AMPH: variants seen among roughly 807,000 people sequenced by gnomAD.
AMPH encodes amphiphysin.
Under a neutral mutation model 99.1 loss-of-function variants are expected in AMPH, and 49 were observed. The observed-to-expected ratio is 0.49, with a 90% confidence interval of 0.39 to 0.63. The LOEUF is 0.63. Ranked by LOEUF, AMPH falls within the 20% of genes least tolerant of loss-of-function variation. AMPH has a pLI of 0.00. For missense variants in AMPH, 759 were observed against 863.4 expected (o/e 0.88, Z 1.52); for synonymous variants, 314 against 317.3 (o/e 0.99, Z 0.11).
intron 17 of AMPH, among the ~76,000 whole-genome samples, chr7:38,407,986 A>C (rs913912919): frequency 5.3e-5 from 8 of 152,232 alleles, no homozygotes; most frequent in African/African-American, 1.7e-4. Flanking sequence ...ACTGTATCTC[A>C]GGTGGTTTAC....
At chr7:38,451,909 C>T (rs1191914471) in intron 11 of AMPH, among the ~76,000 whole-genome samples, 3 of 152,042 alleles carry the variant, frequency 2.0e-5, no homozygotes, top group African/African-American at 7.2e-5. Flanking sequence ...TTTGTAAACA[C>T]AAAACCAGAA....
At chr7:38,493,587 G>A (rs757184991) in intron 4 of AMPH, among the ~76,000 whole-genome samples, 1 of 152,174 alleles carries the variant, frequency 6.6e-6, no homozygotes, top group South Asian at 2.1e-4. Context: ...GCTCACTCCT[G>A]TCAGCCAGAA....
At chr7:38,388,409 C>T (rs1454754199) in intron 20 of AMPH, among the ~76,000 whole-genome samples, 2 of 151,990 alleles carry the variant, frequency 1.3e-5, no homozygotes, top group African/African-American at 4.8e-5. Context: ...CTCTCAAAAA[C>T]CTACTTTCGG....
chr7:38,557,112 G>C (rs982215872), intron 1 of AMPH, among the ~76,000 whole-genome samples: 2 of 152,114 alleles, frequency 1.3e-5, no homozygotes, highest in African/African-American at 4.8e-5. Context: ...GATTTGGGGT[G>C]GGAAACAAGG....
chr7:38,563,800 C>T (rs114507165), intron 1 of AMPH, among the ~76,000 whole-genome samples: 247 of 152,312 alleles, frequency 1.6e-3, no homozygotes, highest in African/African-American at 5.8e-3. Context: ...CAAAGACCAG[C>T]AAACACCACC....
At chr7:38,563,353 G>T (rs2129049547) in intron 1 of AMPH, among the ~76,000 whole-genome samples, 1 of 152,138 alleles carries the variant, frequency 6.6e-6, no homozygotes, top group East Asian at 1.9e-4. Context: ...AACCTACTAA[G>T]TCAGATGCCT....
intron 1 of AMPH, among the ~76,000 whole-genome samples, chr7:38,553,463 G>A (rs1420490772): frequency 6.6e-6 from 1 of 152,168 alleles, no homozygotes; most frequent in Non-Finnish European, 1.5e-5. Context: ...AAACACACAT[G>A]CAAATATACA....
chr7:38,587,159 C>T (rs1478374763), intron 1 of AMPH, among the ~76,000 whole-genome samples: 2 of 152,152 alleles, frequency 1.3e-5, no homozygotes, highest in African/African-American at 4.8e-5. Flanking sequence ...ACTTTTTTCG[C>T]TCCTGAAGAG....
chr7:38,392,423 G>C (rs1784534646), intron 18 of AMPH, among the ~76,000 whole-genome samples: 1 of 115,278 alleles, frequency 8.7e-6, no homozygotes, highest in South Asian at 3.1e-4. Context: ...GTCTTGCTCT[G>C]TCGCCCAGGC....
At chr7:38,541,535 C>T (rs1399330548) in intron 1 of AMPH, among the ~76,000 whole-genome samples, 1 of 152,188 alleles carries the variant, frequency 6.6e-6, no homozygotes, top group African/African-American at 2.4e-5. Context: ...TATTTCTATA[C>T]CACTATGACA....
intron 17 of AMPH, among the ~76,000 whole-genome samples, chr7:38,405,689 T>C (rs1476425358): frequency 6.6e-6 from 1 of 152,154 alleles, no homozygotes; most frequent in East Asian, 1.9e-4. Context: ...GAGATACATA[T>C]ACATCCAACA....
At chr7:38,561,625 T>A (rs1363920165) in intron 1 of AMPH, among the ~76,000 whole-genome samples, 2 of 152,238 alleles carry the variant, frequency 1.3e-5, no homozygotes, top group Non-Finnish European at 2.9e-5. Context: ...CCGGTTCAGA[T>A]GAAGGAGGGT....
At chr7:38,527,781 T>C (rs1326722780) in intron 2 of AMPH, among the ~76,000 whole-genome samples, 1 of 152,238 alleles carries the variant, frequency 6.6e-6, no homozygotes, top group Non-Finnish European at 1.5e-5. Flanking sequence ...CTACATTGCA[T>C]AGCATTAGCG....
At chr7:38,426,856 T>A in intron 15 of AMPH, 98 bp downstream of exon 15, 1 of 1,106,406 alleles carries the variant, frequency 9.0e-7, no homozygotes, top group African/African-American at 1.6e-5. Context: ...ATATTCTTAA[T>A]CATTACGCTA....
intron 2 of AMPH, among the ~76,000 whole-genome samples, chr7:38,505,014 G>A (rs1789271190): frequency 6.6e-6 from 1 of 152,130 alleles, no homozygotes; most frequent in Admixed American, 6.6e-5. Context: ...CCAAAAGAGT[G>A]GTGGTGGGGG....
intron 6 of AMPH, among the ~76,000 whole-genome samples, chr7:38,475,712 C>T (rs918737420): frequency 1.3e-5 from 2 of 152,152 alleles, no homozygotes; most frequent in African/African-American, 4.8e-5. Flanking sequence ...GGATACTGAA[C>T]ATGAATGCAT....
At chr7:38,437,382 C>T (rs1167248579) in intron 11 of AMPH, among the ~76,000 whole-genome samples, 2 of 151,816 alleles carry the variant, frequency 1.3e-5, no homozygotes, top group Non-Finnish European at 2.9e-5. Flanking sequence ...AAACGTCAAA[C>T]CAATGGGTAA....
intron 13 of AMPH, chr7:38,430,087 T>A: frequency 1.9e-6 from 1 of 525,408 alleles, no homozygotes; most frequent in Admixed American, 3.8e-5. Context: ...AAAGCCTCTT[T>A]CACTTTCTAG....
rs66462162 is a variant in AMPH, at chr7:38,525,277, T to TAGAGAGAGAG, written c.150+9644_150+9653dup. 2.9e-3 allele frequency among the ~76,000 whole-genome samples: 252 copies of TAGAGAGAGAG among 86,640 alleles called. 3 individuals carry two copies. Among genetic ancestry groups the TAGAGAGAGAG allele is most frequent in the South Asian group, 4.5e-3 (10 of 2,228 alleles). 56.8% of individuals were successfully genotyped at this position (86,640 alleles called of 152,430 possible). On this transcript the variant is annotated intron_variant, in intron 2 of 20. Coordinates refer to ENST00000356264, the MANE Select transcript of AMPH (RefSeq NM_001635.4). Reference sequence around the variant, plus strand: ...GTGTGTGTATATATATATATATATATAGAGAGAGAGAGAGAGAGAGAGAGA... The same window carrying TAGAGAGAGAG: ...GTGTGTGTATATATATATATATATATAGAGAGAGAGAGAGAGAGAGAGAGAGAGAGAGAGA...
Sources: gnomAD v4.1 joint callset for allele counts (sites outside exome capture counted in the v4.1 genomes callset) on GRCh38, gnomAD v4.1.1 for gene constraint, MANE v1.5 for transcripts, NCBI Gene and HGNC (gene_info 2026-07-23, HGNC 2026-07-21) for gene names.